Variants in GTF3C1 observed in about 807,000 individuals in gnomAD.
GTF3C1 encodes general transcription factor 3C polypeptide 1.
In GTF3C1, 57 loss-of-function variants were observed where a neutral mutation model predicts 226.7. That is an observed-to-expected ratio of 0.25 (90% CI 0.20 to 0.31). The LOEUF (loss-of-function observed/expected upper bound fraction) is 0.31, where lower values mean the gene tolerates loss of function less well. Ranked by LOEUF, GTF3C1 falls within the 10% of genes least tolerant of loss-of-function variation. The pLI is 1.00. For missense variants in GTF3C1, 2,217 were observed against 2,776.1 expected (o/e 0.80, Z 4.53); for synonymous variants, 1,090 against 1,084.8 (o/e 1.00, Z -0.09).
chr16:27,461,267 A>C lies in GTF3C1; in HGVS notation c.*83T>G. The C allele has an allele frequency of 1.2e-6, 1 of 853,074 alleles. No homozygotes were observed. Among genetic ancestry groups the C allele is most frequent in the Non-Finnish European group, 1.8e-6 (1 of 545,226 alleles). 52.8% of individuals were successfully genotyped at this position (853,074 alleles called of 1,614,324 possible). A position where few individuals can be genotyped will look rare whatever the true frequency, so the allele number is the denominator to read the frequency against. The stretch of plus-strand genomic sequence containing the variant: ...CAGGAGGCTCGGCAGACCCAAGGCC[A>C]GGGCACAGTGGGGTCTGCCGAGCAC... On this transcript the variant is annotated 3_prime_UTR_variant, in exon 37 of 37. Transcript: ENST00000356183. This position sits in a 1 kb window ranked among gnomAD's most constrained non-coding sequence, Gnocchi z 5.3.
chr16:27,531,424 C>T (rs1424611330), intron 5 of GTF3C1, among the ~76,000 whole-genome samples: 2 of 152,226 alleles, frequency 1.3e-5, no homozygotes, highest in Non-Finnish European at 2.9e-5. Flanking sequence ...GTGCTTTTGG[C>T]ACAGCTCTTT....
chr16:27,545,571 A>G (rs1274299286), intron 1 of GTF3C1, 48 bp from the exon 2 acceptor site: 1 of 1,092,478 alleles, frequency 9.2e-7, no homozygotes, highest in African/African-American at 1.5e-5. Context: ...CTTCAGATAT[A>G]ATGTGTGCTT....
At chr16:27,514,786 T>C (rs1405484701) in intron 6 of GTF3C1, among the ~76,000 whole-genome samples, 2 of 152,180 alleles carry the variant, frequency 1.3e-5, no homozygotes, top group Non-Finnish European at 2.9e-5. Context: ...GCCCCTTTGC[T>C]AGTGAGAAGG....
rs1346211590 is a variant in GTF3C1, at chr16:27,492,713, C to T, written c.2877G>A (p.Arg959=). 1 of 1,549,236 alleles carries T rather than the reference C, an allele frequency of 6.5e-7. No homozygotes were observed. The highest frequency in any genetic ancestry group is 2.2e-5 in the East Asian group (1 of 44,588). ...TCTCCACCACCGAAAAAATGTAACG[C>T]CTAGAAAACAGAGGGGGCGGGAGGT... ...RPIRQQLLYK[R]RYIFSVVENL... Residue 959 remains arginine, a splice_region_variant and synonymous_variant, in exon 18 of 37, where the codon AGG becomes AGA. Coordinates refer to ENST00000356183, the MANE Select transcript of GTF3C1 (RefSeq NM_001520.4). The surrounding 1 kb of genome is among the most constrained non-coding windows in gnomAD (Gnocchi z 5.0).
chr16:27,488,770 T>C, intron 21 of GTF3C1, 135 bp from the exon 22 acceptor site: 1 of 736,702 alleles, frequency 1.4e-6, no homozygotes, highest in Admixed American at 2.5e-5. Flanking sequence ...TGGAGTCTCC[T>C]GCCACCCGCT....
At chr16:27,538,743 T>C (rs570357979) in intron 2 of GTF3C1, among the ~76,000 whole-genome samples, 6 of 152,242 alleles carry the variant, frequency 3.9e-5, no homozygotes, top group South Asian at 2.1e-4. Context: ...AGGCTTCCTG[T>C]TCCTAAGACA....
chr16:27,533,271 G>A lies in GTF3C1; in HGVS notation c.849+20C>T, dbSNP rs1479190672. Reference sequence around the variant, plus strand: ...GTACAGATCACACCCAGCCCCGCCCGTGGGAAACCCCAGGCTCACCAGCTC... The same window carrying A: ...GTACAGATCACACCCAGCCCCGCCCATGGGAAACCCCAGGCTCACCAGCTC... On this transcript the variant is annotated intron_variant, in intron 5 of 36. Coordinates refer to ENST00000356183, the MANE Select transcript of GTF3C1 (RefSeq NM_001520.4). The A allele has an allele frequency of 8.2e-6, 11 of 1,344,138 alleles. No homozygotes were observed. The highest frequency in any genetic ancestry group is 6.9e-5 in the East Asian group (3 of 43,614). 83.3% of individuals were successfully genotyped at this position (1,344,138 alleles called of 1,614,324 possible).
In GTF3C1 at chr16:27,489,133, C is replaced by A; in HGVS notation, c.3339G>T (p.Gly1113=). 1 of 1,614,070 alleles carries A rather than the reference C, an allele frequency of 6.2e-7. No individual in the cohort carries two copies. Among genetic ancestry groups the A allele is most frequent in the Non-Finnish European group, 8.5e-7 (1 of 1,179,934 alleles). ...VVDEGLIPGD[G]LGAAGLDSSF... The stretch of plus-strand genomic sequence containing the variant: ...TGGAATCGAGCCCTGCGGCACCCAG[C>A]CCATCTCCAGGGATCAAGCCTTCAT... The change falls in exon 21 of 37, where the codon GGG becomes GGT. Residue 1113 remains glycine, a synonymous_variant. Coordinates refer to ENST00000356183, the MANE Select transcript of GTF3C1 (RefSeq NM_001520.4).
chr16:27,464,830 G>C lies in GTF3C1; in HGVS notation c.5362C>G (p.Leu1788Val), dbSNP rs1239860565. The stretch of plus-strand genomic sequence containing the variant: ...ACCTCCAGCACCTGATGCTGCTCCA[G>C]GAGGGCCTGGGGAGGCAGGAGACAC... The part of the protein sequence containing the change: ...RTFADCIQAL[L>V]EQHQVLEVGG... The change falls in exon 34 of 37, where the codon CTG becomes GTG. Residue 1788 changes from leucine to valine, a missense_variant. Physicochemically the swap from Leu to Val is conservative, Grantham distance 32. Coordinates refer to ENST00000356183, the MANE Select transcript of GTF3C1 (RefSeq NM_001520.4). 1 of 1,508,502 alleles carries C rather than the reference G, an allele frequency of 6.6e-7. No individual in the cohort carries two copies. The highest frequency in any genetic ancestry group is 1.3e-5 in the South Asian group (1 of 76,112). 93.4% of individuals were successfully genotyped at this position (1,508,502 alleles called of 1,614,324 possible).
chr16:27,474,730 G>A (rs2087927467), intron 29 of GTF3C1, among the ~76,000 whole-genome samples: 1 of 152,158 alleles, frequency 6.6e-6, no homozygotes, highest in South Asian at 2.1e-4. Flanking sequence ...TCTACAAAAT[G>A]CTGGGGTGGC....
At chr16:27,544,314 G>A (rs1158642573) in intron 2 of GTF3C1, among the ~76,000 whole-genome samples, 1 of 151,894 alleles carries the variant, frequency 6.6e-6, no homozygotes, top group Non-Finnish European at 1.5e-5. Flanking sequence ...GAGCCCAGGA[G>A]GTCAAGGCTG....
chr16:27,537,974 T>C (rs1359219185), intron 3 of GTF3C1, 47 bp from the exon 4 acceptor site: 1 of 1,595,708 alleles, frequency 6.3e-7, no homozygotes, highest in Non-Finnish European at 8.6e-7. Flanking sequence ...GGTAGTTTTA[T>C]CAATGTATAG....
chr16:27,501,367 A>C, intron 11 of GTF3C1, 23 bp from the exon 12 acceptor site: 1 of 1,611,608 alleles, frequency 6.2e-7, no homozygotes, highest in Non-Finnish European at 8.5e-7. Context: ...AAATAAGCAG[A>C]TAACACTCCC....
intron 2 of GTF3C1, among the ~76,000 whole-genome samples, chr16:27,541,645 T>C (rs529308458): frequency 6.6e-6 from 1 of 152,220 alleles, no homozygotes; most frequent in Non-Finnish European, 1.5e-5. Context: ...GAAGTCTGAA[T>C]GATGTGGCGA....
intron 7 of GTF3C1, among the ~76,000 whole-genome samples, chr16:27,510,748 G>A (rs376547988): frequency 2.6e-5 from 4 of 152,122 alleles, no homozygotes; most frequent in East Asian, 1.9e-4. Flanking sequence ...AGGCCACACC[G>A]CCTGTGACAC....
intron 25 of GTF3C1, chr16:27,483,574 G>A: frequency 2.3e-6 from 1 of 430,440 alleles, no homozygotes; most frequent in Non-Finnish European, 4.7e-6. Context: ...AGCCTGACTT[G>A]CCCAAAAGAA....
chr16:27,494,895 A>T lies in GTF3C1; in HGVS notation c.2646T>A (p.Asp882Glu), dbSNP rs2088292306. 2.5e-6 allele frequency: 4 copies of T among 1,613,782 alleles called. No individual in the cohort carries two copies. Among genetic ancestry groups the T allele is most frequent in the Non-Finnish European group, 3.4e-6 (4 of 1,179,730 alleles). Reference sequence around the variant, plus strand: ...GGGGGATGTAGCGCATCCACGAGGCATCGTCGACATACACTAGGAAAAAAA... The same window carrying T: ...GGGGGATGTAGCGCATCCACGAGGCTTCGTCGACATACACTAGGAAAAAAA... ...ELATETVYVDDASWMRYIPPI... is the reference protein window; with the variant it reads ...ELATETVYVDEASWMRYIPPI... Residue 882 changes from aspartate to glutamate, a missense_variant, in exon 16 of 37, where the codon GAT (aspartate) becomes GAA (glutamate). Coordinates refer to ENST00000356183, the MANE Select transcript of GTF3C1 (RefSeq NM_001520.4).
At chr16:27,511,678 A>G in intron 7 of GTF3C1, 71 bp downstream of exon 7, 5 of 1,514,620 alleles carry the variant, frequency 3.3e-6, no homozygotes, top group Non-Finnish European at 4.6e-6. Context: ...CTCTCTCGAC[A>G]TGTGGGCAAA....
intron 6 of GTF3C1, among the ~76,000 whole-genome samples, chr16:27,524,121 C>T (rs1218137452): frequency 1.3e-5 from 2 of 152,234 alleles, no homozygotes; most frequent in African/African-American, 4.8e-5. Context: ...GACATACCAG[C>T]ATGAAGCAGG....
Sources: gnomAD v4.1 joint callset for allele counts (sites outside exome capture counted in the v4.1 genomes callset) on GRCh38, gnomAD v4.1.1 for gene constraint, Gnocchi (gnomAD v3.1) non-coding constraint, MANE v1.5 for transcripts, NCBI Gene and HGNC (gene_info 2026-07-23, HGNC 2026-07-21) for gene names.